The following BRINP1 variants were observed in gnomAD, a reference collection of about 807,000 sequenced individuals.
The protein encoded by BRINP1 is BMP/retinoic acid inducible neural specific 1, also known as BMP/retinoic acid-inducible neural-specific protein 1.
Under a neutral mutation model 72.9 loss-of-function variants are expected in BRINP1, and 17 were observed. The observed-to-expected ratio is 0.23, with a 90% CI of 0.16 to 0.35. The LOEUF (loss-of-function observed/expected upper bound fraction) is 0.35, where lower values mean the gene tolerates loss of function less well. Ranked by LOEUF, BRINP1 falls within the 10% of genes least tolerant of loss-of-function variation. The pLI, the probability that BRINP1 is intolerant of heterozygous loss-of-function variation, is 1.00. For synonymous variants in BRINP1, 418 were observed against 378.5 expected (o/e 1.10, Z -1.21); for missense variants, 850 against 1,001.6 (o/e 0.85, Z 2.04).
intron 1 of BRINP1, among the ~76,000 whole-genome samples, chr9:119,350,143 A>T (rs1320856462): frequency 1.3e-5 from 2 of 152,172 alleles, no homozygotes; most frequent in Non-Finnish European, 2.9e-5. Flanking sequence ...CCTGTCAATC[A>T]ACATCCAACG....
intron 2 of BRINP1, among the ~76,000 whole-genome samples, chr9:119,286,767 G>A (rs572721794): frequency 6.6e-6 from 1 of 152,336 alleles, no homozygotes; most frequent in East Asian, 1.9e-4. Context: ...ACAAGGTCAT[G>A]CACAAGAGGA....
Position 119,238,714 on chromosome 9 carries a change from T to C in BRINP1, c.626A>G (p.Asn209Ser), listed in dbSNP as rs776700472. The C allele has an allele frequency of 3.5e-5, 56 of 1,612,660 alleles. No individual in the cohort carries two copies. The East Asian group carries it at 4.9e-4, about 14-fold the overall frequency. The change falls in exon 5 of 8, where the codon AAT (asparagine) becomes AGT (serine). Residue 209 changes from asparagine (N) to serine (S), a missense_variant. Physicochemically the swap from Asn to Ser is conservative, Grantham distance 46. Transcript: ENST00000265922. Reference sequence around the variant, plus strand: ...AAGGACGGAACTCACAGAGTCCAGATTGTCATAGCTGTTACAGCCCAGAGG... The same window carrying C: ...AAGGACGGAACTCACAGAGTCCAGACTGTCATAGCTGTTACAGCCCAGAGG... ...TGPLGCNSYD[N>S]LDSVSSVLLQ...
At chr9:119,274,618 TC>T (rs1436607684) in intron 2 of BRINP1, among the ~76,000 whole-genome samples, 2 of 152,122 alleles carry the variant, frequency 1.3e-5, no homozygotes, top group Non-Finnish European at 2.9e-5. Flanking sequence ...TGTACCAGGG[TC>T]CTTATTTGTA....
intron 2 of BRINP1, among the ~76,000 whole-genome samples, chr9:119,257,060 T>C (rs78944681): frequency 0.035 from 5,307 of 152,304 alleles, 305 homozygotes; most frequent in African/African-American, 0.12. Context: ...TATAAAGTCC[T>C]GAACACTTGA....
intron 2 of BRINP1, among the ~76,000 whole-genome samples, chr9:119,309,406 T>G (rs1209718653): frequency 6.6e-6 from 1 of 152,192 alleles, no homozygotes; most frequent in African/African-American, 2.4e-5. Context: ...TGTGCCACTT[T>G]CCAGTTGTGT....
rs1491072657 is a variant in BRINP1, at chr9:119,178,993, C to CAG, written c.1146-10771_1146-10770dup. On this transcript the variant is annotated intron_variant, in intron 7 of 7. Transcript: ENST00000265922. ...TGCCAGGGTCCCTCTCCTCCACTCA[C>CAG]AGATAATTGGGGCTCCCGACAAGTG... Among the ~76,000 whole-genome samples the CAG allele has an allele frequency of 7.9e-5, 12 of 152,290 alleles. No individual in the cohort carries two copies. The East Asian group carries it at 2.1e-3, about 27-fold the overall frequency.
chr9:119,232,457 T>C (rs1193293811), intron 5 of BRINP1, among the ~76,000 whole-genome samples: 2 of 152,180 alleles, frequency 1.3e-5, no homozygotes, highest in African/African-American at 4.8e-5. Flanking sequence ...GCATCTAGAG[T>C]AAAATCTGAT....
rs758993269 is a variant in BRINP1, at chr9:119,238,771, T to G, written c.580-11A>C. The G allele has an allele frequency of 6.5e-7, 1 of 1,546,256 alleles. No individual in the cohort carries two copies. Among genetic ancestry groups the G allele is most frequent in the South Asian group, 1.1e-5 (1 of 88,070 alleles). ...GCGTGTCTCTGTGACCTGCAGTAGA[T>G]ATCAAATAAGATAGGTGTGAGACAG... On this transcript the variant is annotated splice_polypyrimidine_tract_variant and intron_variant, in intron 4 of 7. Transcript: ENST00000265922.
chr9:119,191,162 C>T (rs1235863962), intron 7 of BRINP1, among the ~76,000 whole-genome samples: 6 of 151,812 alleles, frequency 4.0e-5, no homozygotes, highest in African/African-American at 1.5e-4. Context: ...TTATGAAAAA[C>T]CCACAGCTAA....
intron 2 of BRINP1, among the ~76,000 whole-genome samples, chr9:119,271,860 A>AC (rs1050372240): frequency 6.7e-6 from 1 of 150,048 alleles, no homozygotes; most frequent in Admixed American, 6.7e-5. Flanking sequence ...TGAAACTACC[A>AC]TTTTTTTTTC....
chr9:119,169,726 T>C (rs868083429), intron 7 of BRINP1, among the ~76,000 whole-genome samples: 2 of 152,248 alleles, frequency 1.3e-5, no homozygotes, highest in Admixed American at 6.5e-5. Flanking sequence ...GACTTAAATG[T>C]TCCTGTCTGA....
At chr9:119,287,022 G>A (rs1830768084) in intron 2 of BRINP1, among the ~76,000 whole-genome samples, 2 of 150,826 alleles carry the variant, frequency 1.3e-5, no homozygotes, top group Admixed American at 1.3e-4. Context: ...TTCACCTTGA[G>A]GAATCAAAGG....
intron 2 of BRINP1, among the ~76,000 whole-genome samples, chr9:119,295,544 G>C (rs1427165194): frequency 2.0e-5 from 3 of 152,104 alleles, no homozygotes; most frequent in Admixed American, 6.6e-5. Context: ...ACATAGAAAA[G>C]GCACAGTAAA....
At chr9:119,228,759 C>T (rs1830119431) in intron 5 of BRINP1, among the ~76,000 whole-genome samples, 1 of 151,968 alleles carries the variant, frequency 6.6e-6, no homozygotes, top group Non-Finnish European at 1.5e-5. Flanking sequence ...ATTATCATTG[C>T]CTCTTCTAGG....
intron 1 of BRINP1, among the ~76,000 whole-genome samples, chr9:119,318,047 A>G (rs542982900): frequency 7.9e-5 from 12 of 152,178 alleles, no homozygotes; most frequent in Non-Finnish European, 1.0e-4. Flanking sequence ...CGCAACCTAC[A>G]AATCTCTGAG....
At chr9:119,327,723 G>A (rs146056310) in intron 1 of BRINP1, among the ~76,000 whole-genome samples, 1 of 152,264 alleles carries the variant, frequency 6.6e-6, no homozygotes, top group African/African-American at 2.4e-5. Context: ...AAAGGAAGGT[G>A]TATACAATGA....
chr9:119,228,979 T>C (rs867066077), intron 5 of BRINP1, among the ~76,000 whole-genome samples: 1 of 152,166 alleles, frequency 6.6e-6, no homozygotes, highest in African/African-American at 2.4e-5. Flanking sequence ...GATTGATTCA[T>C]AAATAAACTG....
intron 5 of BRINP1, among the ~76,000 whole-genome samples, chr9:119,221,961 A>T (rs1223087337): frequency 3.3e-5 from 5 of 152,168 alleles, no homozygotes; most frequent in Non-Finnish European, 7.4e-5. Context: ...ATTGACCCAC[A>T]TTCAGTGCTC....
chr9:119,341,595 T>C (rs1204223175), intron 1 of BRINP1, among the ~76,000 whole-genome samples: 1 of 152,170 alleles, frequency 6.6e-6, no homozygotes, highest in Non-Finnish European at 1.5e-5. Flanking sequence ...CAGTGTGCGG[T>C]GATGCCAGAT....
Sources: gnomAD v4.1 joint callset for allele counts (sites outside exome capture counted in the v4.1 genomes callset) on GRCh38, gnomAD v4.1.1 for gene constraint, MANE v1.5 for transcripts, NCBI Gene and HGNC (gene_info 2026-07-23, HGNC 2026-07-21) for gene names.